Variants in PCDHA5 observed in about 807,000 individuals in gnomAD.
PCDHA5 encodes the protein protocadherin alpha-5.
In PCDHA5, 43 loss-of-function variants were observed where a neutral mutation model predicts 61.6. The observed-to-expected ratio is 0.70, with a 90% CI of 0.55 to 0.90. The LOEUF is 0.90. Ranked by LOEUF, PCDHA5 falls within the 40% of genes least tolerant of loss-of-function variation. PCDHA5 has a pLI of 0.00. For synonymous variants in PCDHA5, 627 were observed against 543.9 expected, an observed-to-expected ratio of 1.15 and a Z score of -2.13; for missense variants, 1,298 against 1,222.7, an observed-to-expected ratio of 1.06 and a Z score of -0.92.
intron 1 of PCDHA5, chr5:140,841,800 C>T (rs2150322954): frequency 6.2e-7 from 1 of 1,613,890 alleles, no homozygotes. Context: ...GCGTCCGATG[C>T]AGATGTTGGA....
At chr5:140,941,255 C>CTCTT (rs1554214207) in intron 1 of PCDHA5, among the ~76,000 whole-genome samples, 2 of 44,508 alleles carry the variant, frequency 4.5e-5, no homozygotes, top group African/African-American at 1.4e-4. Context: ...TTCTTTCTTT[C>CTCTT]TCTTTCTTTC....
chr5:140,870,714 C>G (rs2052324296), intron 1 of PCDHA5: 3 of 1,613,110 alleles, frequency 1.9e-6, no homozygotes, highest in Non-Finnish European at 8.5e-7. Context: ...TGAGCGCGCG[C>G]GATGCGGGCG....
intron 1 of PCDHA5, chr5:140,835,801 A>T: frequency 6.2e-7 from 1 of 1,613,074 alleles, no homozygotes; most frequent in Non-Finnish European, 8.5e-7. Context: ...CCGGGCTGCC[A>T]CATCTTCACT....
intron 1 of PCDHA5, chr5:140,884,055 C>T (rs782119019): frequency 2.2e-5 from 36 of 1,613,356 alleles, no homozygotes; most frequent in Non-Finnish European, 1.7e-6. Flanking sequence ...AAGGTGCGCG[C>T]GGTGGACGCC....
chr5:140,845,125 T>C (rs1779709915), intron 1 of PCDHA5, among the ~76,000 whole-genome samples: 1 of 149,748 alleles, frequency 6.7e-6, no homozygotes, highest in Non-Finnish European at 1.5e-5. Flanking sequence ...GTTTAGCATT[T>C]TATTTGACTA....
At chr5:140,838,612 A>G (rs1326287987) in intron 1 of PCDHA5, among the ~76,000 whole-genome samples, 1 of 152,002 alleles carries the variant, frequency 6.6e-6, no homozygotes, top group Non-Finnish European at 1.5e-5. Flanking sequence ...GACTTTTAAA[A>G]ATTTTTTACA....
chr5:140,979,355 T>C (rs1437499560), intron 2 of PCDHA5, among the ~76,000 whole-genome samples: 6 of 152,206 alleles, frequency 3.9e-5, no homozygotes, highest in African/African-American at 1.4e-4. Flanking sequence ...TTAATACTCA[T>C]GCTTTGAGAC....
chr5:140,957,694 C>T (rs269548), intron 1 of PCDHA5, among the ~76,000 whole-genome samples: 31,397 of 151,782 alleles, frequency 0.21, 4,012 homozygotes, highest in African/African-American at 0.36. Flanking sequence ...AGACAATGAA[C>T]ATTATGTAGT....
chr5:140,872,999 T>C (rs534267052), intron 1 of PCDHA5, among the ~76,000 whole-genome samples: 3 of 152,296 alleles, frequency 2.0e-5, no homozygotes, highest in African/African-American at 7.2e-5. Context: ...TACTTCTGAG[T>C]CATTCTTCAT....
rs2150531861 is a variant in PCDHA5, at chr5:140,853,433, C to T, written c.2352+29306C>T. Reference sequence around the variant, plus strand: ...AGGTGAAAGCAGAAGAGACACTTTCCTATTTTGCCTAATAGGTCTCCTTAT... The same window carrying T: ...AGGTGAAAGCAGAAGAGACACTTTCTTATTTTGCCTAATAGGTCTCCTTAT... On this transcript the variant is annotated intron_variant, in intron 1 of 3. Coordinates refer to ENST00000529859, the MANE Select transcript of PCDHA5 (RefSeq NM_018908.3). The T allele has an allele frequency of 2.1e-5, 21 of 984,946 alleles. 3 individuals carry two copies. The highest frequency in any genetic ancestry group is 2.3e-5 in the Non-Finnish European group (19 of 817,128). 61.0% of individuals were successfully genotyped at this position (984,946 alleles called of 1,614,324 possible).
intron 1 of PCDHA5, chr5:140,875,787 C>A (rs2055811364): frequency 6.2e-7 from 1 of 1,614,082 alleles, no homozygotes; most frequent in Non-Finnish European, 8.5e-7. Context: ...GCAGTATCCA[C>A]CTGGAGGTGA....
intron 1 of PCDHA5, among the ~76,000 whole-genome samples, chr5:140,914,897 TTG>T (rs1415652208): frequency 6.6e-6 from 1 of 151,972 alleles, no homozygotes; most frequent in East Asian, 1.9e-4. Context: ...GCTTTTAACT[TTG>T]TGTTGTTTCT....
chr5:140,987,263 G>C (rs1034230893), intron 3 of PCDHA5, among the ~76,000 whole-genome samples: 14 of 151,908 alleles, frequency 9.2e-5, no homozygotes, highest in Non-Finnish European at 1.8e-4. Context: ...CTCAGGAATG[G>C]GACCCGGCAG....
intron 1 of PCDHA5, chr5:140,851,191 T>C: frequency 8.2e-7 from 1 of 1,215,936 alleles, no homozygotes; most frequent in South Asian, 3.0e-5. Context: ...ACCAATTTAG[T>C]TGTTAGTCAT....
chr5:140,864,333 AGT>A (rs1554158793), intron 1 of PCDHA5: 2 of 152,182 alleles, frequency 1.3e-5, no homozygotes, highest in African/African-American at 4.8e-5. Flanking sequence ...TAATTATTTG[AGT>A]TTAAAACATG....
At chr5:140,997,118 C>A (rs1319289091) in intron 3 of PCDHA5, among the ~76,000 whole-genome samples, 24 of 152,088 alleles carry the variant, frequency 1.6e-4, no homozygotes, top group Non-Finnish European at 3.1e-4. Context: ...TGCTCTCCCA[C>A]ATACACAATG....
intron 3 of PCDHA5, among the ~76,000 whole-genome samples, chr5:140,987,383 G>A (rs2097252098): frequency 6.6e-6 from 1 of 152,138 alleles, no homozygotes; most frequent in Admixed American, 6.5e-5. Flanking sequence ...GGGTCAGAAT[G>A]CATGCAAGGA....
chr5:140,883,179 C>A, intron 1 of PCDHA5: 4 of 1,613,776 alleles, frequency 2.5e-6, no homozygotes, highest in Non-Finnish European at 1.7e-6. Flanking sequence ...GAAATTAGGA[C>A]AAAAGGCAAA....
In PCDHA5 at chr5:140,849,939, G is replaced by T; in HGVS notation, c.2352+25812G>T. On this transcript the variant is annotated intron_variant, in intron 1 of 3. Coordinates refer to ENST00000529859, the MANE Select transcript of PCDHA5 (RefSeq NM_018908.3). ...CATCTTCACGGTGTCTGCGCGGGAC[G>T]CTGACGCGCAGGAGAACGCCCTGGT... The T allele has an allele frequency of 6.3e-7, 1 of 1,598,036 alleles. No homozygotes were observed. The highest frequency in any genetic ancestry group is 8.6e-7 in the Non-Finnish European group (1 of 1,167,746).
Sources: allele counts gnomAD v4.1 joint callset (sites outside exome capture counted in the v4.1 genomes callset), GRCh38; gene constraint gnomAD v4.1.1; transcripts MANE v1.5; gene names NCBI Gene and HGNC (gene_info 2026-07-23, HGNC 2026-07-21).